The following CEACAM5 variants were observed in gnomAD, a reference collection of about 807,000 sequenced individuals.
The protein encoded by CEACAM5 is CEA cell adhesion molecule 5.
CEACAM5 carries 52 observed loss-of-function variants against 63.0 expected under a neutral mutation model. The observed-to-expected ratio is 0.83, with a 90% CI of 0.66 to 1.04. The LOEUF (loss-of-function observed/expected upper bound fraction) is 1.04, where lower values mean the gene tolerates loss of function less well. Ranked by LOEUF, CEACAM5 falls within the 50% of genes least tolerant of loss-of-function variation. CEACAM5 has a pLI of 0.00. For synonymous variants in CEACAM5, 357 were observed against 351.3 expected, an observed-to-expected ratio of 1.02 and a Z score of -0.18; for missense variants, 790 against 864.8, an observed-to-expected ratio of 0.91 and a Z score of 1.08.
At chr19:41,728,833 C>A (rs1166692548) in intron 9 of CEACAM5, among the ~76,000 whole-genome samples, 1 of 141,272 alleles carries the variant, frequency 7.1e-6, no homozygotes, top group Non-Finnish European at 1.5e-5. Flanking sequence ...TTTCAACATA[C>A]GTAAGCCTAT....
At chr19:41,720,700 G>A (rs782239946) in intron 7 of CEACAM5, among the ~76,000 whole-genome samples, 5 of 152,006 alleles carry the variant, frequency 3.3e-5, no homozygotes, top group Non-Finnish European at 2.9e-5. Flanking sequence ...AGTAGAGACG[G>A]GGTTTCACCA....
Position 41,715,062 on chromosome 19 carries a change from G to A in CEACAM5, c.516G>A (p.Gln172=), listed in dbSNP as rs1355543625. 1 of 1,614,210 alleles carries A rather than the reference G, an allele frequency of 6.2e-7. No individual in the cohort carries two copies. The highest frequency in any genetic ancestry group is 8.5e-7 in the Non-Finnish European group (1 of 1,180,044). Reference sequence around the variant, plus strand: ...CCTTCACCTGTGAACCTGAGACTCAGGACGCAACCTACCTGTGGTGGGTAA... The same window carrying A: ...CCTTCACCTGTGAACCTGAGACTCAAGACGCAACCTACCTGTGGTGGGTAA... The part of the protein sequence containing the change: ...AVAFTCEPET[Q]DATYLWWVNN... The change falls in exon 3 of 10, where the codon CAG becomes CAA. Residue 172 remains glutamine (Q), a synonymous_variant. Coordinates refer to ENST00000221992, the MANE Select transcript of CEACAM5 (RefSeq NM_004363.6).
intron 1 of CEACAM5, 92 bp from the exon 2 acceptor site, chr19:41,709,588 G>C: frequency 6.5e-7 from 1 of 1,528,046 alleles, no homozygotes; most frequent in South Asian, 1.3e-5. Context: ...CAGGGCTGGG[G>C]GATGAAGAGA....
intron 6 of CEACAM5, among the ~76,000 whole-genome samples, chr19:41,719,666 C>T (rs1027158635): frequency 6.6e-6 from 1 of 152,172 alleles, no homozygotes; most frequent in African/African-American, 2.4e-5. Flanking sequence ...GGCTGTGACT[C>T]CCAGTCCTGG....
At chr19:41,723,939 ACT>A (rs1471438388) in intron 8 of CEACAM5, among the ~76,000 whole-genome samples, 8 of 138,958 alleles carry the variant, frequency 5.8e-5, no homozygotes, top group South Asian at 2.4e-4. Context: ...ACAGAGCGAG[ACT>A]CTGTCAAAAA....
At chr19:41,716,475 G>A (rs972135878) in intron 4 of CEACAM5, among the ~76,000 whole-genome samples, 6 of 152,172 alleles carry the variant, frequency 3.9e-5, no homozygotes, top group African/African-American at 7.2e-5. Context: ...TCCTGAATTC[G>A]GCTAAATCAA....
rs976632168 is a variant in CEACAM5 at position 41,715,732 on chromosome 19, C to T, written c.786C>T (p.Ala262=). The change falls in exon 4 of 10, where the codon GCC becomes GCT. Residue 262 remains alanine (A), a synonymous_variant. Coordinates refer to ENST00000221992, the MANE Select transcript of CEACAM5 (RefSeq NM_004363.6). ...ATCTGAACCTCTCCTGCCACGCAGC[C>T]TCTAACCCACCTGCACAGTACTCTT... ...GENLNLSCHA[A]SNPPAQYSWF... is the part of the protein sequence containing the mutation. 1.4e-5 allele frequency: 23 copies of T among 1,614,100 alleles called. No homozygotes were observed. The highest frequency in any genetic ancestry group is 3.3e-5 in the Admixed American group (2 of 60,008).
intron 8 of CEACAM5, among the ~76,000 whole-genome samples, chr19:41,722,555 TATTCTA>T (rs782369551): frequency 2.0e-5 from 3 of 152,172 alleles, no homozygotes; most frequent in Admixed American, 6.5e-5. Context: ...GGTAATCAAC[TATTCTA>T]ACGATCTTAC....
At chr19:41,708,870 G>A (rs1330619415) in intron 1 of CEACAM5, 75 bp downstream of exon 1, 13 of 1,092,396 alleles carry the variant, frequency 1.2e-5, no homozygotes, top group African/African-American at 6.4e-5. Context: ...GCTGTGAGAC[G>A]GACAGAGGGC....
intron 3 of CEACAM5, 200 bp from the exon 4 acceptor site, chr19:41,715,450 C>A: frequency 8.9e-7 from 1 of 1,125,616 alleles, no homozygotes; most frequent in Non-Finnish European, 1.3e-6. Context: ...TGCTTCTGTC[C>A]TGGGAGGCTC....
chr19:41,717,321 G>C lies in CEACAM5; in HGVS notation c.959-134G>C, dbSNP rs563734290. 5 of 939,144 alleles carry C rather than the reference G, an allele frequency of 5.3e-6. No homozygotes were observed. The African/African-American group carries it at 8.3e-5, about 16-fold the overall frequency. The allele number at this position is 939,144 out of a possible 1,614,324, so 58.2% of individuals were successfully genotyped here. On this transcript the variant is annotated intron_variant, in intron 4 of 9. Transcript: ENST00000221992. ...GATCATTGTGCATCTGTCTTGTGAC[G>C]CACACACACCTGCCATGAGCTTTTA...
chr19:41,710,609 G>A (rs2072421304), intron 2 of CEACAM5, among the ~76,000 whole-genome samples: 2 of 152,202 alleles, frequency 1.3e-5, no homozygotes, highest in South Asian at 2.1e-4. Flanking sequence ...CAAGGACAGA[G>A]CCTTGTCCTT....
Position 41,720,986 on chromosome 19 carries a change from C to T in CEACAM5, c.1836C>T (p.Asn612=), listed in dbSNP as rs2072611888. The T allele has an allele frequency of 6.2e-7, 1 of 1,614,090 alleles. No homozygotes were observed. Among genetic ancestry groups the T allele is most frequent in the African/African-American group, 1.3e-5 (1 of 75,012 alleles). Residue 612 remains asparagine, a synonymous_variant, in exon 8 of 10, where the codon AAC becomes AAT. Transcript: ENST00000221992. ...DSSYLSGANL[N]LSCHSASNPS... ...CTTACCTTTCGGGAGCGAACCTCAA[C>T]CTCTCCTGCCACTCGGCCTCTAACC...
chr19:41,709,556 A>ACACACT (rs1338316383), intron 1 of CEACAM5, 124 bp from the exon 2 acceptor site: 1 of 1,450,174 alleles, frequency 6.9e-7, no homozygotes, highest in Non-Finnish European at 9.3e-7. Flanking sequence ...ACACACACAC[A>ACACACT]CACACACACA....
intron 8 of CEACAM5, among the ~76,000 whole-genome samples, chr19:41,723,859 G>A (rs553853218): frequency 1.3e-5 from 2 of 149,918 alleles, no homozygotes; most frequent in African/African-American, 4.9e-5. Context: ...TGAGGCAGGA[G>A]AATGGCATGA....
At chr19:41,716,883 T>A (rs2072535080) in intron 4 of CEACAM5, among the ~76,000 whole-genome samples, 1 of 152,184 alleles carries the variant, frequency 6.6e-6, no homozygotes, top group Non-Finnish European at 1.5e-5. Context: ...AAAATGAAAC[T>A]CTGTTCCCAT....
At position 41,730,290 on chromosome 19, in the gene CEACAM5, TG is replaced by T. The variant is rs1226648027; in HGVS notation, c.*1148del. Among the ~76,000 whole-genome samples the T allele has an allele frequency of 3.3e-5, 5 of 151,496 alleles. No homozygotes were observed. The highest frequency in any genetic ancestry group is 1.2e-4 in the African/African-American group (5 of 41,212). ...AAAAAAAGTTAGCCGGGCGTGGTGG[TG>T]GGGGCCTGTAGTCCCAGCTACTCAG... On this transcript the variant is annotated 3_prime_UTR_variant, in exon 10 of 10. Transcript: ENST00000221992.
chr19:41,718,028 T>TG, intron 5 of CEACAM5, 100 bp from the exon 6 acceptor site: 1 of 1,436,006 alleles, frequency 7.0e-7, no homozygotes, highest in Non-Finnish European at 9.6e-7. Context: ...ACTTCAGGAT[T>TG]GTGACTTGGC....
At chr19:41,718,969 G>A (rs2122808544) in intron 6 of CEACAM5, among the ~76,000 whole-genome samples, 1 of 152,346 alleles carries the variant, frequency 6.6e-6, no homozygotes, top group African/African-American at 2.4e-5. Context: ...GCTAAGTCAA[G>A]ATGCCAGATG....
Sources: allele counts gnomAD v4.1 joint callset (sites outside exome capture counted in the v4.1 genomes callset), GRCh38; gene constraint gnomAD v4.1.1; transcripts MANE v1.5; gene names NCBI Gene and HGNC (gene_info 2026-07-23, HGNC 2026-07-21).